Variants in ESRRG observed in about 807,000 individuals in gnomAD.
ESRRG encodes the protein estrogen-related receptor gamma.
ESRRG carries 13 observed loss-of-function variants against 44.0 expected under a neutral mutation model. The observed-to-expected ratio is 0.30, with a 90% CI of 0.19 to 0.47. The LOEUF (loss-of-function observed/expected upper bound fraction) is 0.47. ESRRG is among the 20% of genes least tolerant of loss of function. The pLI is 1.00. For missense variants in ESRRG, 395 were observed against 580.6 expected (o/e 0.68, Z 3.29); for synonymous variants, 215 against 214.6 (o/e 1.00, Z -0.02).
chr1:217,054,864 G>A (rs897254289), intron 1 of ESRRG, among the ~76,000 whole-genome samples: 1 of 152,084 alleles, frequency 6.6e-6, no homozygotes, highest in Non-Finnish European at 1.5e-5. Context: ...AACAACACAG[G>A]CCCTGTGAGA....
At chr1:216,659,595 A>AC (rs1211228559) in intron 2 of ESRRG, among the ~76,000 whole-genome samples, 4 of 151,816 alleles carry the variant, frequency 2.6e-5, no homozygotes, top group African/African-American at 9.7e-5. Flanking sequence ...TCTCAAGCTC[A>AC]CCCCCTTGTC....
At chr1:216,547,094 G>A (rs1478106886) in intron 5 of ESRRG, among the ~76,000 whole-genome samples, 2 of 152,010 alleles carry the variant, frequency 1.3e-5, no homozygotes, top group Non-Finnish European at 2.9e-5. Context: ...TCTCAGGCAA[G>A]TTGTTTGACT....
chr1:216,974,281 A>G (rs1371162769), intron 1 of ESRRG, among the ~76,000 whole-genome samples: 1 of 152,184 alleles, frequency 6.6e-6, no homozygotes, highest in Non-Finnish European at 1.5e-5. Flanking sequence ...AGACATCCCA[A>G]TTACCCTGAT....
intron 2 of ESRRG, among the ~76,000 whole-genome samples, chr1:216,873,048 G>C (rs60745489): frequency 1.3e-5 from 2 of 151,846 alleles, no homozygotes; most frequent in Non-Finnish European, 2.9e-5. Flanking sequence ...CAAAGTTTTT[G>C]CAGTTATTCA....
intron 2 of ESRRG, chr1:216,864,572 A>G (rs1411551306): frequency 2.3e-5 from 1 of 44,100 alleles, no homozygotes; most frequent in African/African-American, 4.3e-4. Context: ...ATAATACAGA[A>G]AAAAAAAACC....
chr1:216,835,489 T>C (rs139135461), intron 2 of ESRRG, among the ~76,000 whole-genome samples: 67 of 152,280 alleles, frequency 4.4e-4, no homozygotes, highest in African/African-American at 1.5e-3. Context: ...AGGCGCACAC[T>C]CCCAAGTTAG....
intron 2 of ESRRG, among the ~76,000 whole-genome samples, chr1:216,860,305 T>A (rs1277283281): frequency 1.3e-5 from 2 of 151,772 alleles, no homozygotes; most frequent in East Asian, 1.9e-4. Context: ...AAGGAAAAAA[T>A]AGCAGACAAA....
chr1:216,620,387 C>A (rs1250895471), intron 3 of ESRRG, among the ~76,000 whole-genome samples: 1 of 152,204 alleles, frequency 6.6e-6, no homozygotes, highest in Non-Finnish European at 1.5e-5. Flanking sequence ...ACAGGACCAA[C>A]TTGCTAGTTT....
intron 2 of ESRRG, among the ~76,000 whole-genome samples, chr1:216,929,294 C>T (rs186103125): frequency 2.0e-5 from 3 of 152,226 alleles, no homozygotes; most frequent in Non-Finnish European, 1.5e-5. Flanking sequence ...TTCCCTCTTT[C>T]CCTTAAGAAA....
At chr1:217,023,789 A>C (rs112456544) in intron 1 of ESRRG, among the ~76,000 whole-genome samples, 84 of 152,104 alleles carry the variant, frequency 5.5e-4, no homozygotes, top group African/African-American at 2.0e-3. Context: ...GGGAAAGGAG[A>C]GTATTTACCC....
At chr1:217,091,789 A>T (rs548761560), upstream of ESRRG, among the ~76,000 whole-genome samples, 8 of 152,338 alleles carry the variant, frequency 5.3e-5, no homozygotes, top group African/African-American at 1.9e-4. Context: ...GGATTACTAT[A>T]GGCGTTATTG....
chr1:216,535,738 C>T (rs993191552), intron 5 of ESRRG, among the ~76,000 whole-genome samples: 2 of 152,042 alleles, frequency 1.3e-5, no homozygotes, highest in African/African-American at 2.4e-5. Context: ...TCCTTCATCC[C>T]TCTATTCTGA....
At chr1:216,811,806 T>C (rs1325363908) in intron 2 of ESRRG, among the ~76,000 whole-genome samples, 2 of 152,152 alleles carry the variant, frequency 1.3e-5, no homozygotes, top group Non-Finnish European at 2.9e-5. Flanking sequence ...TTAATACAGA[T>C]AAGCTGAAAA....
chr1:216,709,566 A>G (rs1352421412), intron 1 of ESRRG, among the ~76,000 whole-genome samples: 2 of 152,040 alleles, frequency 1.3e-5, no homozygotes, highest in African/African-American at 4.8e-5. Context: ...TTTGCCAAAC[A>G]AAATATTCAC....
At chr1:216,728,814 A>T (rs2088107005) in intron 2 of ESRRG, among the ~76,000 whole-genome samples, 1 of 151,872 alleles carries the variant, frequency 6.6e-6, no homozygotes, top group Non-Finnish European at 1.5e-5. Context: ...AAAAAGTAAG[A>T]TATTAACATC....
intron 2 of ESRRG, among the ~76,000 whole-genome samples, chr1:216,921,331 A>G (rs1037811279): frequency 6.6e-6 from 1 of 152,128 alleles, no homozygotes; most frequent in Non-Finnish European, 1.5e-5. Context: ...TCTGTGTTCC[A>G]TCGGTAAGAC....
Position 216,841,847 on chromosome 1 carries a change from GAA to G in ESRRG, c.-14+97733_-14+97734del, listed in dbSNP as rs577892705. On this transcript the variant is annotated intron_variant, in intron 2 of 7. Transcript: ENST00000359162. ...TTCCTCATTAATTTTTACATTAAAAGAAAGAAAAAACAAGAAGAAAATATCTG... is the reference window on the plus strand; with the variant it reads ...TTCCTCATTAATTTTTACATTAAAAGAGAAAAAACAAGAAGAAAATATCTG... 3.0e-3 allele frequency among the ~76,000 whole-genome samples: 449 copies of G among 151,854 alleles called. 2 individuals carry two copies. The highest frequency in any genetic ancestry group is 0.01 in the Middle Eastern group (3 of 294).
chr1:217,049,036 C>T (rs931317977), intron 1 of ESRRG, among the ~76,000 whole-genome samples: 1 of 152,150 alleles, frequency 6.6e-6, no homozygotes, highest in African/African-American at 2.4e-5. Flanking sequence ...CCTGCCTTGC[C>T]TAGCTCCTCT....
intron 5 of ESRRG, among the ~76,000 whole-genome samples, chr1:216,562,652 T>C (rs1316245026): frequency 6.6e-6 from 1 of 151,984 alleles, no homozygotes; most frequent in Non-Finnish European, 1.5e-5. Flanking sequence ...CTCATGACAA[T>C]TATCTCGTCC....
Sources: allele counts gnomAD v4.1 joint callset (sites outside exome capture counted in the v4.1 genomes callset), GRCh38; gene constraint gnomAD v4.1.1; transcripts MANE v1.5; gene names NCBI Gene and HGNC (gene_info 2026-07-23, HGNC 2026-07-21).